Variants in GLUD1 observed in about 807,000 individuals in gnomAD.
GLUD1 encodes the protein glutamate dehydrogenase 1, mitochondrial.
GLUD1 carries 22 observed loss-of-function variants against 56.0 expected under a neutral mutation model. The observed-to-expected ratio is 0.39, with a 90% CI of 0.28 to 0.56. The LOEUF is 0.56. Among genes scored for constraint, GLUD1 ranks in the 20% least tolerant of loss-of-function variants. The pLI is 0.58. For synonymous variants in GLUD1, 223 were observed against 269.9 expected (o/e 0.83, Z 1.70); for missense variants, 451 against 732.0 (o/e 0.62, Z 4.43).
Position 87,094,799 on chromosome 10 carries a change from G to A in GLUD1, c.-30C>T, listed in dbSNP as rs1841688843. The A allele has an allele frequency of 1.3e-6, 2 of 1,506,918 alleles. No homozygotes were observed. Among genetic ancestry groups the A allele is most frequent in the African/African-American group, 1.4e-5 (1 of 69,730 alleles). 93.3% of individuals were successfully genotyped at this position (1,506,918 alleles called of 1,614,324 possible). On this transcript the variant is annotated 5_prime_UTR_variant, in exon 1 of 13. Coordinates refer to ENST00000277865, the MANE Select transcript of GLUD1 (RefSeq NM_005271.5). The surrounding 1 kb of genome is among the most constrained non-coding windows in gnomAD (Gnocchi z 6.6). ...ACAAGCGGAGGGGAGGTGCGTGATG[G>A]TCGCGAAACAGGCGCGCTTTCTCAG... is the stretch of plus-strand genomic sequence containing the variant.
Position 87,074,597 on chromosome 10 carries a change from CT to C in GLUD1, c.599del (p.Lys200ArgfsTer10). The C allele has an allele frequency of 2.5e-6, 4 of 1,580,572 alleles. No homozygotes were observed. The highest frequency in any genetic ancestry group is 2.2e-5 in the East Asian group (1 of 44,714). ...GCTCCATGGTGAACCTCCTTGTGATCTTTTCCAATTCATTATCCTGTAAAAT... is the reference window on the plus strand; with the variant it reads ...GCTCCATGGTGAACCTCCTTGTGATCTTTCCAATTCATTATCCTGTAAAAT... ...PKNYTDNELE[K>X]ITRRFTMELA... On this transcript the variant is annotated frameshift_variant, in exon 4 of 13. Coordinates refer to ENST00000277865, the MANE Select transcript of GLUD1 (RefSeq NM_005271.5). LOFTEE classifies it high-confidence loss of function.
chr10:87,053,083 T>C (rs1459148282), intron 12 of GLUD1, among the ~76,000 whole-genome samples: 8 of 152,210 alleles, frequency 5.3e-5, no homozygotes. Context: ...AACTACTCCA[T>C]ACTGGGCTAG....
chr10:87,067,139 T>G (rs2133809513), intron 5 of GLUD1, among the ~76,000 whole-genome samples: 1 of 152,378 alleles, frequency 6.6e-6, no homozygotes, highest in East Asian at 1.9e-4. Flanking sequence ...CAGCCTATTC[T>G]TCCCCAGGAA....
intron 1 of GLUD1, chr10:87,091,604 G>T: frequency 1.0e-6 from 1 of 969,920 alleles, no homozygotes; most frequent in Non-Finnish European, 1.2e-6. Context: ...AAATCTAACG[G>T]CCTCAGGTAC....
chr10:87,093,125 G>T (rs1288081410), intron 1 of GLUD1, among the ~76,000 whole-genome samples: 1 of 152,144 alleles, frequency 6.6e-6, no homozygotes, highest in Non-Finnish European at 1.5e-5. Context: ...TGTCCCCCCT[G>T]CTGGGAACAC....
chr10:87,060,481 G>T, intron 8 of GLUD1: 1 of 690,102 alleles, frequency 1.4e-6, no homozygotes, highest in Non-Finnish European at 2.5e-6. Context: ...AGGCAGATGC[G>T]TTTGTTTTGG....
chr10:87,077,017 G>A (rs1435681174), intron 1 of GLUD1, among the ~76,000 whole-genome samples: 1 of 151,926 alleles, frequency 6.6e-6, no homozygotes, highest in Non-Finnish European at 1.5e-5. Flanking sequence ...TTTTTTTGGG[G>A]GGGTAGGGGT....
chr10:87,075,871 G>T, intron 3 of GLUD1, 97 bp downstream of exon 3: 1 of 852,946 alleles, frequency 1.2e-6, no homozygotes, highest in Non-Finnish European at 2.0e-6. Context: ...CCAAGATTGC[G>T]CCATTGTACT....
chr10:87,070,274 G>A (rs750127470), intron 4 of GLUD1, among the ~76,000 whole-genome samples: 15 of 151,826 alleles, frequency 9.9e-5, no homozygotes, highest in Middle Eastern at 3.2e-3. Context: ...GCAACATAGT[G>A]AGATCCTGTC....
chr10:87,057,260 T>C (rs149125506), intron 11 of GLUD1, among the ~76,000 whole-genome samples: 1,598 of 152,336 alleles, frequency 0.01, 17 homozygotes, highest in Non-Finnish European at 0.017. Context: ...GTGCTGGGAT[T>C]ACAGGCGTGT....
intron 1 of GLUD1, among the ~76,000 whole-genome samples, chr10:87,082,216 G>C (rs1467170184): frequency 1.3e-5 from 2 of 151,932 alleles, no homozygotes; most frequent in Non-Finnish European, 2.9e-5. Flanking sequence ...TAATATTCTA[G>C]AAATAGATGT....
chr10:87,072,780 A>C (rs1377131761), intron 4 of GLUD1, among the ~76,000 whole-genome samples: 1 of 152,238 alleles, frequency 6.6e-6, no homozygotes, highest in Non-Finnish European at 1.5e-5. Context: ...ACCATTCAAG[A>C]CTATAAAATG....
chr10:87,094,113 GA>G lies in GLUD1; in HGVS notation c.445+211del. 2 of 1,496,654 alleles carry G rather than the reference GA, an allele frequency of 1.3e-6. No individual in the cohort carries two copies. Among genetic ancestry groups the G allele is most frequent in the Non-Finnish European group, 1.8e-6 (2 of 1,123,378 alleles). The allele number at this position is 1,496,654 out of a possible 1,614,324, so 92.7% of individuals were successfully genotyped here. On this transcript the variant is annotated intron_variant, in intron 1 of 12. Coordinates refer to ENST00000277865, the MANE Select transcript of GLUD1 (RefSeq NM_005271.5). This position sits in a 1 kb window ranked among gnomAD's most constrained non-coding sequence, Gnocchi z 6.6. ...AGAGGCCCGGGGTGACGGCGCGGGG[GA>G]GGGGGCAGGCCAATCGCATGATGAT...
At chr10:87,080,354 C>T (rs1263229881) in intron 1 of GLUD1, among the ~76,000 whole-genome samples, 2 of 152,044 alleles carry the variant, frequency 1.3e-5, no homozygotes, top group East Asian at 2.0e-4. Context: ...TCTGCCCAGC[C>T]GCCACCCCGT....
chr10:87,082,941 C>G (rs755486389), intron 1 of GLUD1, among the ~76,000 whole-genome samples: 1 of 152,118 alleles, frequency 6.6e-6, no homozygotes, highest in Admixed American at 6.5e-5. Flanking sequence ...CTAAGGGACA[C>G]GAAGAGATTT....
chr10:87,093,797 G>T, intron 1 of GLUD1: 2 of 594,358 alleles, frequency 3.4e-6, no homozygotes, highest in Non-Finnish European at 5.5e-6. Context: ...AAATTCCTTT[G>T]GTTAATAAAA....
At chr10:87,064,750 A>G (rs970536546) in intron 5 of GLUD1, among the ~76,000 whole-genome samples, 3 of 152,256 alleles carry the variant, frequency 2.0e-5, no homozygotes. Flanking sequence ...TTTCATGAAT[A>G]ATTAACACTT....
chr10:87,092,959 A>C (rs1378247214), intron 1 of GLUD1, among the ~76,000 whole-genome samples: 1 of 152,210 alleles, frequency 6.6e-6, no homozygotes, highest in African/African-American at 2.4e-5. Flanking sequence ...TACATTTTAT[A>C]CAATTTTGAA....
rs866316769 is a variant in GLUD1 at position 87,068,212 on chromosome 10, G to A, written c.647-55C>T. The A allele has an allele frequency of 4.6e-5, 48 of 1,043,870 alleles. No homozygotes were observed. In the Middle Eastern group the frequency reaches 6.1e-4, roughly 13 times the overall value. The allele number at this position is 1,043,870 out of a possible 1,614,324, so 64.7% of individuals were successfully genotyped here. A position where few individuals can be genotyped will look rare whatever the true frequency, so the allele number is the denominator to read the frequency against. Reference sequence around the variant, plus strand: ...CCAGTTTTTAAGAAAAATTCTTCTCGAACACAAAGATCCTTGTAAGTCTCT... The same window carrying A: ...CCAGTTTTTAAGAAAAATTCTTCTCAAACACAAAGATCCTTGTAAGTCTCT... On this transcript the variant is annotated intron_variant, in intron 4 of 12. Coordinates refer to ENST00000277865, the MANE Select transcript of GLUD1 (RefSeq NM_005271.5).
Sources: gnomAD v4.1 joint callset for allele counts (sites outside exome capture counted in the v4.1 genomes callset) on GRCh38, gnomAD v4.1.1 for gene constraint, Gnocchi (gnomAD v3.1) non-coding constraint, MANE v1.5 for transcripts, NCBI Gene and HGNC (gene_info 2026-07-23, HGNC 2026-07-21) for gene names.